The following SLC23A2 variants were observed in gnomAD, a reference collection of about 807,000 sequenced individuals.
SLC23A2 encodes the protein solute carrier family 23 member 2.
SLC23A2 carries 36 observed loss-of-function variants against 73.3 expected under a neutral mutation model. The observed-to-expected ratio is 0.49, with a 90% CI of 0.38 to 0.65. SLC23A2 has a LOEUF of 0.65. SLC23A2 is among the 30% of genes least tolerant of loss of function. The pLI is 0.00. For missense variants in SLC23A2, 507 were observed against 841.6 expected (o/e 0.60, Z 4.92); for synonymous variants, 343 against 327.3 (o/e 1.05, Z -0.52).
chr20:4,893,968 G>C (rs1035468794), intron 6 of SLC23A2, among the ~76,000 whole-genome samples: 3 of 152,146 alleles, frequency 2.0e-5, no homozygotes, highest in African/African-American at 4.8e-5. Flanking sequence ...AGACACCAAG[G>C]GTCAGGGGTG....
intron 3 of SLC23A2, among the ~76,000 whole-genome samples, chr20:4,916,297 A>G (rs1031534441): frequency 2.0e-5 from 3 of 152,200 alleles, no homozygotes; most frequent in Non-Finnish European, 4.4e-5. Flanking sequence ...CTCTCCTAAA[A>G]CACGGATCAG....
chr20:4,870,593 A>G (rs1396714477), intron 11 of SLC23A2, among the ~76,000 whole-genome samples: 1 of 151,980 alleles, frequency 6.6e-6, no homozygotes, highest in Non-Finnish European at 1.5e-5. Flanking sequence ...AAAAAAGAAG[A>G]AAAAGAAGAA....
At chr20:4,917,898 A>G (rs1897050112) in intron 3 of SLC23A2, among the ~76,000 whole-genome samples, 1 of 152,202 alleles carries the variant, frequency 6.6e-6, no homozygotes, top group Non-Finnish European at 1.5e-5. Context: ...CTTACAGATG[A>G]AGAGTTCTAC....
intron 1 of SLC23A2, among the ~76,000 whole-genome samples, chr20:4,978,314 C>A (rs552481514): frequency 6.6e-6 from 1 of 152,190 alleles, no homozygotes; most frequent in Non-Finnish European, 1.5e-5. Flanking sequence ...GCACTGTTGA[C>A]CTTCAACTAA....
chr20:4,948,343 C>A (rs1364951144), intron 2 of SLC23A2, among the ~76,000 whole-genome samples: 1 of 152,168 alleles, frequency 6.6e-6, no homozygotes, highest in African/African-American at 2.4e-5. Context: ...TCAGTCCTCT[C>A]AACACCAACC....
At chr20:4,965,948 CTGAG>C (rs113319211) in intron 2 of SLC23A2, among the ~76,000 whole-genome samples, 68 of 131,768 alleles carry the variant, frequency 5.2e-4, no homozygotes, top group Middle Eastern at 5.0e-3. Flanking sequence ...CCCTGGGTGA[CTGAG>C]TGAGACTCCA....
At chr20:4,993,914 A>G (rs942500067) in intron 1 of SLC23A2, among the ~76,000 whole-genome samples, 15 of 152,024 alleles carry the variant, frequency 9.9e-5, no homozygotes, top group Admixed American at 9.8e-4. Flanking sequence ...ACATAGTGAA[A>G]CCCTGTCTCT....
chr20:4,889,562 T>C (rs1450292304), intron 6 of SLC23A2, among the ~76,000 whole-genome samples: 1 of 151,496 alleles, frequency 6.6e-6, no homozygotes, highest in East Asian at 1.9e-4. Context: ...GTGTGTCATC[T>C]TTGCTTTTTA....
intron 3 of SLC23A2, among the ~76,000 whole-genome samples, chr20:4,932,151 C>T (rs1316567737): frequency 2.0e-5 from 3 of 152,164 alleles, no homozygotes; most frequent in Non-Finnish European, 4.4e-5. Flanking sequence ...CCTAAGAGTA[C>T]ACCTTTTGAA....
intron 6 of SLC23A2, among the ~76,000 whole-genome samples, chr20:4,887,212 G>A (rs1421054235): frequency 6.6e-6 from 1 of 152,180 alleles, no homozygotes; most frequent in Non-Finnish European, 1.5e-5. Flanking sequence ...TGCCAGAGGG[G>A]CCCAGAGGAT....
At chr20:4,976,962 A>T (rs12625071) in intron 1 of SLC23A2, among the ~76,000 whole-genome samples, 2 of 151,936 alleles carry the variant, frequency 1.3e-5, no homozygotes, top group African/African-American at 4.8e-5. Context: ...GGTGGCTGAG[A>T]GAAGCTCCAT....
chr20:4,859,492 G>T, intron 15 of SLC23A2, 108 bp from the exon 16 acceptor site: 1 of 756,138 alleles, frequency 1.3e-6, no homozygotes, highest in Non-Finnish European at 2.4e-6. Context: ...ATCAAAGCAG[G>T]AAAGGAAAGT....
In SLC23A2 at chr20:4,862,127, C is replaced by T. The variant is rs776974332; in HGVS notation, c.1487-42G>A. On this transcript the variant is annotated intron_variant, in intron 14 of 16. Transcript: ENST00000338244. The surrounding 1 kb of genome is among the most constrained non-coding windows in gnomAD (Gnocchi z 5.1). ...CAGACCACAAGCTCCAGCACCACTA[C>T]AGCGGGGACAGCTCAAGGCAGGTGA... is the stretch of plus-strand genomic sequence containing the variant. 3.7e-5 allele frequency: 59 copies of T among 1,607,018 alleles called. No individual in the cohort carries two copies. Among genetic ancestry groups the T allele is most frequent in the Non-Finnish European group, 4.8e-5 (56 of 1,175,910 alleles).
rs146238171 is a variant in SLC23A2 at position 4,896,837 on chromosome 20, C to T, written c.482+2718G>A. 3.1e-3 allele frequency among the ~76,000 whole-genome samples: 467 copies of T among 152,362 alleles called. 1 individual carries two copies. Among genetic ancestry groups the T allele is most frequent in the African/African-American group, 9.7e-3 (405 of 41,588 alleles). ...ACAAAGCCATTGAATGCTCCCTGTG[C>T]CTGTTGATAAGTCCCAAGCTCTGGC... On this transcript the variant is annotated intron_variant, in intron 6 of 16. Transcript: ENST00000338244.
intron 1 of SLC23A2, among the ~76,000 whole-genome samples, chr20:5,000,248 G>A (rs1600220993): frequency 6.6e-6 from 1 of 152,244 alleles, no homozygotes; most frequent in Middle Eastern, 3.4e-3. Context: ...GGTGAAAAAG[G>A]CAGGTGTAGA....
intron 4 of SLC23A2, among the ~76,000 whole-genome samples, chr20:4,909,454 A>G (rs963041283): frequency 1.3e-5 from 2 of 152,150 alleles, no homozygotes; most frequent in African/African-American, 4.8e-5. Flanking sequence ...TGGACTGTTT[A>G]CTATTAGACA....
At position 4,883,422 on chromosome 20, in the gene SLC23A2, C is replaced by T. The variant is rs913297547; in HGVS notation, c.824+220G>A. Among the ~76,000 whole-genome samples, 2 of 152,202 alleles carry T rather than the reference C, an allele frequency of 1.3e-5. No individual in the cohort carries two copies. The highest frequency in any genetic ancestry group is 2.9e-5 in the Non-Finnish European group (2 of 68,032). On this transcript the variant is annotated intron_variant, in intron 9 of 16. Transcript: ENST00000338244. This position sits in a 1 kb window ranked among gnomAD's most constrained non-coding sequence, Gnocchi z 4.5. Reference sequence around the variant, plus strand: ...AGCTTAAAAACTTACAATCCACCCTCTTCATATTGCTGCTAAGTCTGTCTT... The same window carrying T: ...AGCTTAAAAACTTACAATCCACCCTTTTCATATTGCTGCTAAGTCTGTCTT...
intron 4 of SLC23A2, among the ~76,000 whole-genome samples, chr20:4,909,714 C>T (rs970431554): frequency 2.0e-5 from 3 of 152,086 alleles, no homozygotes; most frequent in African/African-American, 4.8e-5. Context: ...TCATGAAGCC[C>T]GGCTAAATTT....
chr20:4,907,237 T>C (rs1931988901), intron 4 of SLC23A2, among the ~76,000 whole-genome samples: 1 of 152,094 alleles, frequency 6.6e-6, no homozygotes, highest in Admixed American at 6.5e-5. Context: ...GACCACACGA[T>C]TCCTTTCTAG....
Sources: gnomAD v4.1 joint callset for allele counts (sites outside exome capture counted in the v4.1 genomes callset) on GRCh38, gnomAD v4.1.1 for gene constraint, Gnocchi (gnomAD v3.1) non-coding constraint, MANE v1.5 for transcripts, NCBI Gene and HGNC (gene_info 2026-07-23, HGNC 2026-07-21) for gene names.